The following FBXL17 variants were observed in gnomAD, a reference collection of about 807,000 sequenced individuals.
FBXL17 encodes F-box/LRR-repeat protein 17.
A neutral mutation model predicts 66.2 loss-of-function variants in FBXL17; 22 were observed. That is an observed-to-expected ratio of 0.33 (90% CI 0.24 to 0.47). FBXL17 has a LOEUF of 0.47. Among genes scored for constraint, FBXL17 ranks in the 20% least tolerant of loss-of-function variants. The pLI, the probability that FBXL17 is intolerant of heterozygous loss-of-function variation, is 1.00. For synonymous variants in FBXL17, 474 were observed against 400.5 expected (o/e 1.18, Z -2.19); for missense variants, 878 against 948.2 (o/e 0.93, Z 0.97).
intron 7 of FBXL17, among the ~76,000 whole-genome samples, chr5:108,009,302 C>A (rs10037379): frequency 3.0e-5 from 1 of 33,184 alleles, no homozygotes; most frequent in Non-Finnish European, 6.1e-5. Context: ...TATATATATA[C>A]ATATATACAT....
intron 4 of FBXL17, among the ~76,000 whole-genome samples, chr5:108,327,463 C>T (rs1759911914): frequency 1.3e-5 from 2 of 151,950 alleles, no homozygotes; most frequent in African/African-American, 2.4e-5. Context: ...CAATATTTGC[C>T]ATTTAATAGT....
chr5:108,108,886 C>T (rs982174227), intron 6 of FBXL17, among the ~76,000 whole-genome samples: 4 of 150,722 alleles, frequency 2.7e-5, no homozygotes, highest in South Asian at 2.1e-4. Flanking sequence ...CGGGTTCAAG[C>T]GATTCTCCTG....
chr5:107,917,281 T>C (rs1293056174), intron 7 of FBXL17, among the ~76,000 whole-genome samples: 3 of 152,174 alleles, frequency 2.0e-5, no homozygotes, highest in Non-Finnish European at 4.4e-5. Flanking sequence ...CTTGTGAGGA[T>C]GCTGGTAAAA....
At chr5:108,268,966 T>A (rs118038488) in intron 4 of FBXL17, among the ~76,000 whole-genome samples, 1 of 152,086 alleles carries the variant, frequency 6.6e-6, no homozygotes, top group East Asian at 1.9e-4. Context: ...AATATTCATA[T>A]AATGAGGTAG....
Position 107,870,591 on chromosome 5 carries a change from CT to C in FBXL17, c.1966-8732del, listed in dbSNP as rs1312573602. 9.2e-3 allele frequency among the ~76,000 whole-genome samples: 1,317 copies of C among 143,434 alleles called. 10 individuals are homozygous for C. The highest frequency in any genetic ancestry group is 0.022 in the African/African-American group (850 of 39,400). 94.1% of individuals were successfully genotyped at this position (143,434 alleles called of 152,430 possible). A position where few individuals can be genotyped will look rare whatever the true frequency, so the allele number is the denominator to read the frequency against. ...GTACTCACGATTAGGTATTTAATAC[CT>C]TTTTTTTTTTTTTGAGATGGAGTCT... On this transcript the variant is annotated intron_variant, in intron 8 of 8. Coordinates refer to ENST00000542267, the MANE Select transcript of FBXL17 (RefSeq NM_001163315.3).
At chr5:108,236,004 C>CA (rs144434677) in intron 4 of FBXL17, among the ~76,000 whole-genome samples, 7,585 of 152,084 alleles carry the variant, frequency 0.05, 631 homozygotes, top group African/African-American at 0.17. Context: ...AGAGAATTTC[C>CA]AAAAAAATCA....
At chr5:107,916,049 A>G (rs1305195374) in intron 7 of FBXL17, among the ~76,000 whole-genome samples, 3 of 152,188 alleles carry the variant, frequency 2.0e-5, no homozygotes, top group Admixed American at 6.5e-5. Flanking sequence ...GGGCAGTCTA[A>G]TAAGAATATA....
At chr5:108,189,753 C>G (rs1044194230) in intron 5 of FBXL17, among the ~76,000 whole-genome samples, 7 of 152,180 alleles carry the variant, frequency 4.6e-5, no homozygotes, top group Admixed American at 3.9e-4. Flanking sequence ...TACAAAGGAT[C>G]TAGAGGTCTG....
chr5:107,954,901 G>C (rs1210363735), intron 7 of FBXL17, among the ~76,000 whole-genome samples: 1 of 152,078 alleles, frequency 6.6e-6, no homozygotes, highest in Non-Finnish European at 1.5e-5. Context: ...TTTCTATTTT[G>C]ATATTAAACA....
chr5:108,191,558 C>T (rs1753471356), intron 5 of FBXL17, among the ~76,000 whole-genome samples: 1 of 152,200 alleles, frequency 6.6e-6, no homozygotes, highest in South Asian at 2.1e-4. Flanking sequence ...TGAGTGTCAA[C>T]AAGGCTGGGA....
At chr5:107,960,547 T>G (rs1353346877) in intron 7 of FBXL17, among the ~76,000 whole-genome samples, 1 of 152,158 alleles carries the variant, frequency 6.6e-6, no homozygotes, top group Non-Finnish European at 1.5e-5. Context: ...AACTTTAGAT[T>G]TCTATAGGAG....
At chr5:108,276,476 TTAGAATAATATATTGTAAG>T (rs1757487167) in intron 4 of FBXL17, among the ~76,000 whole-genome samples, 1 of 151,920 alleles carries the variant, frequency 6.6e-6, no homozygotes, top group Non-Finnish European at 1.5e-5. Context: ...AATGACAACC[TTAGAATAATATATTGTAAG>T]TCTTTATGGA....
intron 4 of FBXL17, among the ~76,000 whole-genome samples, chr5:108,231,891 G>C (rs1580660056): frequency 6.6e-6 from 1 of 152,124 alleles, no homozygotes; most frequent in African/African-American, 2.4e-5. Context: ...TAAGGTCGAT[G>C]GGAAACTACA....
chr5:108,183,618 A>G (rs1285926717), intron 6 of FBXL17, among the ~76,000 whole-genome samples: 1 of 152,140 alleles, frequency 6.6e-6, no homozygotes, highest in African/African-American at 2.4e-5. Flanking sequence ...TTTTGGTTAC[A>G]TGGATGAATT....
chr5:108,160,685 G>T (rs941754111), intron 6 of FBXL17, among the ~76,000 whole-genome samples: 1 of 152,132 alleles, frequency 6.6e-6, no homozygotes, highest in Non-Finnish European at 1.5e-5. Context: ...AGGGTTTAAA[G>T]TCAAAAAGTG....
At chr5:107,922,704 C>T (rs1290697932) in intron 7 of FBXL17, among the ~76,000 whole-genome samples, 2 of 152,140 alleles carry the variant, frequency 1.3e-5, no homozygotes, top group Non-Finnish European at 2.9e-5. Context: ...TCCTAAAGCC[C>T]GGCTACTTCA....
At chr5:108,352,367 A>G (rs1747707388) in intron 3 of FBXL17, among the ~76,000 whole-genome samples, 1 of 152,220 alleles carries the variant, frequency 6.6e-6, no homozygotes, top group African/African-American at 2.4e-5. Flanking sequence ...AAATTTCTCA[A>G]TGTTGTATTC....
intron 7 of FBXL17, among the ~76,000 whole-genome samples, chr5:107,928,069 T>C (rs1410160470): frequency 6.6e-6 from 1 of 152,048 alleles, no homozygotes; most frequent in Non-Finnish European, 1.5e-5. Context: ...ATCCCTGCCA[T>C]AACAAAGAAA....
chr5:108,293,821 A>C (rs1042911321), intron 4 of FBXL17, among the ~76,000 whole-genome samples: 1 of 152,022 alleles, frequency 6.6e-6, no homozygotes, highest in Non-Finnish European at 1.5e-5. Flanking sequence ...TGGGTTGATC[A>C]CTTGAGGTCA....
Sources: allele counts gnomAD v4.1 joint callset (sites outside exome capture counted in the v4.1 genomes callset), GRCh38; gene constraint gnomAD v4.1.1; transcripts MANE v1.5; gene names NCBI Gene and HGNC (gene_info 2026-07-23, HGNC 2026-07-21).